TNFSF4: variants seen among roughly 807,000 people sequenced by gnomAD.
TNFSF4 encodes tumor necrosis factor ligand superfamily member 4.
TNFSF4 carries 4 observed loss-of-function variants against 7.3 expected under a neutral mutation model. The ratio of observed to expected loss-of-function variants is 0.55; its 90% CI spans 0.27 to 1.25. TNFSF4 has a LOEUF of 1.25. TNFSF4 is among the 50% of genes most tolerant of loss of function. The pLI is 0.12. For synonymous variants in TNFSF4, 76 were observed against 83.7 expected, an observed-to-expected ratio of 0.91 and a Z score of 0.50; for missense variants, 181 against 208.8, an observed-to-expected ratio of 0.87 and a Z score of 0.82.
chr1:173,189,615 A>G (rs940939320), intron 1 of TNFSF4, among the ~76,000 whole-genome samples: 1 of 152,208 alleles, frequency 6.6e-6, no homozygotes, highest in African/African-American at 2.4e-5. Context: ...AATAAGCTCA[A>G]TATGGAACCA....
chr1:173,441,611 G>A, the TNFSF4 span, among the ~76,000 whole-genome samples: 20 of 152,210 alleles, frequency 1.3e-4, no homozygotes, highest in Admixed American at 9.8e-4. Context: ...GTGACAGAGC[G>A]AGACTCTGTC....
chr1:173,395,646 A>G, the TNFSF4 span, among the ~76,000 whole-genome samples: 1 of 151,710 alleles, frequency 6.6e-6, no homozygotes, highest in African/African-American at 2.4e-5. Flanking sequence ...CAAAAACAGA[A>G]TCTCATGTTG....
chr1:173,446,200 GTAAAGA>G, the TNFSF4 span, among the ~76,000 whole-genome samples: 2 of 150,994 alleles, frequency 1.3e-5, no homozygotes, highest in African/African-American at 4.9e-5. Context: ...GCTCCACAAA[GTAAAGA>G]TAAACACTCT....
chr1:173,400,052 C>T, the TNFSF4 span, among the ~76,000 whole-genome samples: 6 of 152,228 alleles, frequency 3.9e-5, no homozygotes, highest in South Asian at 2.1e-4. Context: ...CTGAACACAA[C>T]GCTTTTGCGA....
chr1:173,396,041 C>A, the TNFSF4 span, among the ~76,000 whole-genome samples: 2 of 152,148 alleles, frequency 1.3e-5, no homozygotes, highest in Non-Finnish European at 2.9e-5. Flanking sequence ...ACCTCAGGAC[C>A]CACCCTCACC....
chr1:173,212,893 T>C, the TNFSF4 span, among the ~76,000 whole-genome samples: 1 of 151,626 alleles, frequency 6.6e-6, no homozygotes, highest in South Asian at 2.1e-4. Flanking sequence ...TTCAAAAATA[T>C]ACATAAATAA....
chr1:173,174,041 C>T, the TNFSF4 span, among the ~76,000 whole-genome samples: 1 of 152,180 alleles, frequency 6.6e-6, no homozygotes, highest in African/African-American at 2.4e-5. Flanking sequence ...TCTGCTTCCT[C>T]TTGAATGCTT....
chr1:173,308,466 T>C, the TNFSF4 span, among the ~76,000 whole-genome samples: 1 of 151,806 alleles, frequency 6.6e-6, no homozygotes, highest in East Asian at 1.9e-4. Context: ...TGGTGGGAGA[T>C]AATAATTTTT....
At chr1:173,445,414 G>C in the TNFSF4 span, among the ~76,000 whole-genome samples, 1 of 152,106 alleles carries the variant, frequency 6.6e-6, no homozygotes, top group Admixed American at 6.5e-5. Context: ...AAGAAGGCTG[G>C]GATCCTTTAA....
At chr1:173,335,434 T>G in the TNFSF4 span, among the ~76,000 whole-genome samples, 1 of 152,274 alleles carries the variant, frequency 6.6e-6, no homozygotes, top group African/African-American at 2.4e-5. Flanking sequence ...CCCACTGGAT[T>G]AGGATACCTA....
chr1:173,294,546 A>T, the TNFSF4 span, among the ~76,000 whole-genome samples: 1 of 152,048 alleles, frequency 6.6e-6, no homozygotes, highest in East Asian at 1.9e-4. Context: ...CCTCCACAAC[A>T]TATATTTATG....
the TNFSF4 span, among the ~76,000 whole-genome samples, chr1:173,223,083 C>A: frequency 6.6e-6 from 1 of 152,140 alleles, no homozygotes; most frequent in Non-Finnish European, 1.5e-5. Flanking sequence ...TTGCCTCAAG[C>A]TTTTCAGCCA....
At chr1:173,199,854 A>C (rs1046723945) in intron 1 of TNFSF4, among the ~76,000 whole-genome samples, 4 of 152,124 alleles carry the variant, frequency 2.6e-5, no homozygotes, top group Non-Finnish European at 5.9e-5. Flanking sequence ...ATTTAAAAAA[A>C]ATGCAGAGGA....
At chr1:173,304,313 T>TATAA in the TNFSF4 span, among the ~76,000 whole-genome samples, 1 of 151,878 alleles carries the variant, frequency 6.6e-6, no homozygotes, top group Non-Finnish European at 1.5e-5. Context: ...TGCTGAGAGT[T>TATAA]CTTATAAACT....
chr1:173,317,056 T>C, the TNFSF4 span, among the ~76,000 whole-genome samples: 1 of 152,274 alleles, frequency 6.6e-6, no homozygotes, highest in Admixed American at 6.5e-5. Flanking sequence ...ACTTCAGTCA[T>C]AAAAAAACTT....
intron 2 of TNFSF4, 51 bp from the exon 3 acceptor site, chr1:173,186,916 G>C: frequency 8.0e-7 from 1 of 1,253,458 alleles, no homozygotes; most frequent in Non-Finnish European, 1.1e-6. Flanking sequence ...GCATAGAATT[G>C]GGCAACAACC....
the TNFSF4 span, among the ~76,000 whole-genome samples, chr1:173,297,679 C>T: frequency 1.3e-5 from 2 of 151,740 alleles, no homozygotes; most frequent in African/African-American, 2.4e-5. Flanking sequence ...GCAAGGCAGC[C>T]CACACTGGTT....
At chr1:173,411,184 C>T in the TNFSF4 span, among the ~76,000 whole-genome samples, 38,697 of 152,004 alleles carry the variant, frequency 0.25, 5,802 homozygotes, top group East Asian at 0.45. Context: ...AGATAGGCTG[C>T]TTCTATCTTC....
chr1:173,241,360 T>G, the TNFSF4 span, among the ~76,000 whole-genome samples: 14 of 152,192 alleles, frequency 9.2e-5, no homozygotes, highest in Non-Finnish European at 1.9e-4. Context: ...GATCTGAATA[T>G]ATATTGACTT....
Sources: allele counts gnomAD v4.1 joint callset (sites outside exome capture counted in the v4.1 genomes callset), GRCh38; gene constraint gnomAD v4.1.1; transcripts MANE v1.5; gene names NCBI Gene and HGNC (gene_info 2026-07-23, HGNC 2026-07-21).